The following AMZ1 variants were observed in gnomAD, a reference collection of about 807,000 sequenced individuals.
AMZ1 encodes archaemetzincin-1.
A neutral mutation model predicts 29.9 loss-of-function variants in AMZ1; 39 were observed. The observed-to-expected ratio is 1.30, with a 90% CI of 1.01 to 1.70. AMZ1 has a LOEUF of 1.70. Ranked by LOEUF, AMZ1 falls within the 40% of genes most tolerant of loss-of-function variation. The probability of loss-of-function intolerance (pLI) is 0.00; values close to 1 mark genes in which losing one functional copy is unlikely to be tolerated. For missense variants in AMZ1, 1,041 were observed against 680.6 expected (o/e 1.53, Z -5.89); for synonymous variants, 458 against 304.0 (o/e 1.51, Z -5.27).
At chr7:2,756,033 C>T (rs996993885) in intron 4 of AMZ1, among the ~76,000 whole-genome samples, 7 of 152,106 alleles carry the variant, frequency 4.6e-5, no homozygotes, top group African/African-American at 1.4e-4. Context: ...AGAAGAACAA[C>T]GTTTTCATAA....
intron 2 of AMZ1, among the ~76,000 whole-genome samples, chr7:2,701,676 A>T (rs994868895): frequency 2.0e-5 from 3 of 152,202 alleles, no homozygotes; most frequent in African/African-American, 7.2e-5. Flanking sequence ...GAGAGGAGGA[A>T]AGGGCTGGTG....
At chr7:2,689,970 G>T (rs931896226) in intron 1 of AMZ1, among the ~76,000 whole-genome samples, 2 of 152,172 alleles carry the variant, frequency 1.3e-5, no homozygotes, top group African/African-American at 2.4e-5. Flanking sequence ...AGGATGGAAG[G>T]ACTCAGCTGG....
At chr7:2,685,116 G>A (rs544637291), upstream of AMZ1, among the ~76,000 whole-genome samples, 172 of 151,744 alleles carry the variant, frequency 1.1e-3, 3 homozygotes, top group South Asian at 0.017. Context: ...TGATCCGCCC[G>A]CCTCGGCCTC....
chr7:2,764,034 G>C (rs561216338), upstream of AMZ1, among the ~76,000 whole-genome samples: 8 of 152,236 alleles, frequency 5.3e-5, no homozygotes, highest in Admixed American at 3.3e-4. Flanking sequence ...GTCTTCCTAA[G>C]GCTGCTGTGC....
upstream of AMZ1, among the ~76,000 whole-genome samples, chr7:2,683,503 T>C (rs1373345308): frequency 6.6e-6 from 1 of 152,178 alleles, no homozygotes; most frequent in Non-Finnish European, 1.5e-5. Flanking sequence ...AGTGGCACGA[T>C]CTCGGCTCAC....
chr7:2,744,660 C>T (rs1376116840), intron 4 of AMZ1, among the ~76,000 whole-genome samples: 1 of 152,172 alleles, frequency 6.6e-6, no homozygotes, highest in Non-Finnish European at 1.5e-5. Context: ...CGGAACAAAG[C>T]TGGATGGACA....
At chr7:2,736,483 C>T (rs1278406028) in intron 4 of AMZ1, among the ~76,000 whole-genome samples, 1 of 152,190 alleles carries the variant, frequency 6.6e-6, no homozygotes, top group Non-Finnish European at 1.5e-5. Context: ...TGTCCTCTCA[C>T]GAGCAACAGA....
chr7:2,711,105 C>T (rs1258793305), intron 6 of AMZ1, among the ~76,000 whole-genome samples: 1 of 152,220 alleles, frequency 6.6e-6, no homozygotes, highest in African/African-American at 2.4e-5. Flanking sequence ...GGGTGTAGCT[C>T]CTCCTCCTGC....
chr7:2,735,908 G>T (rs798526), intron 4 of AMZ1, among the ~76,000 whole-genome samples: 4 of 151,792 alleles, frequency 2.6e-5, no homozygotes, highest in African/African-American at 9.7e-5. Flanking sequence ...GGAAGAAGGG[G>T]ACACAGAGCA....
intron 1 of AMZ1, among the ~76,000 whole-genome samples, chr7:2,688,632 G>C (rs771789600): frequency 2.0e-5 from 3 of 152,204 alleles, no homozygotes; most frequent in African/African-American, 4.8e-5. Flanking sequence ...AACTGGGGAC[G>C]GGTCGGGAAT....
chr7:2,718,372 G>A lies in AMZ1; in HGVS notation c.*5494G>A, dbSNP rs1054839201. On this transcript the variant is annotated 3_prime_UTR_variant, in exon 7 of 7. Transcript: ENST00000683327. ...GCCCCTTCTCAGCAAAGGCCAACAC[G>A]TCTTTCTCGAGTCCAAGACCATCTC... Among the ~76,000 whole-genome samples, 1 of 152,140 alleles carries A rather than the reference G, an allele frequency of 6.6e-6. No individual in the cohort carries two copies. The highest frequency in any genetic ancestry group is 1.5e-5 in the Non-Finnish European group (1 of 68,010).
Position 2,700,611 on chromosome 7 carries a change from C to T in AMZ1, c.160C>T (p.Leu54Phe). ...CGAGGCCTACAACCCGCAGAGGACG[C>T]TCTTCTGCACCCTGCTCATCCGCAC... ...LAEAYNPQRT[L>F]FCTLLIRTGF... The change falls in exon 2 of 7, where the codon CTC becomes TTC. Residue 54 changes from leucine (L) to phenylalanine (F), a missense_variant. Physicochemically the swap from Leu to Phe is conservative, Grantham distance 22 (BLOSUM62 0). Transcript: ENST00000683327. 6.2e-7 allele frequency: 1 copy of T among 1,610,848 alleles called. No homozygotes were observed. The highest frequency in any genetic ancestry group is 8.5e-7 in the Non-Finnish European group (1 of 1,179,990).
Position 2,691,131 on chromosome 7 carries a change from CAAAAAAA to C in AMZ1, c.-219+2848_-219+2854del, listed in dbSNP as rs35603123. On this transcript the variant is annotated intron_variant, in intron 1 of 6. Transcript: ENST00000683327. ...TGCACTCCAGCCTGGGTGACAGAGG[CAAAAAAA>C]AAAAAAAAAAAAGCATTTCTCATTT... Among the ~76,000 whole-genome samples, 3 of 68,744 alleles carry C rather than the reference CAAAAAAA, an allele frequency of 4.4e-5. 1 individual carries two copies. Among genetic ancestry groups the C allele is most frequent in the African/African-American group, 1.5e-4 (2 of 13,432 alleles). The allele number at this position is 68,744 out of a possible 152,430, so 45.1% of individuals were successfully genotyped here.
intron 4 of AMZ1, among the ~76,000 whole-genome samples, chr7:2,736,741 C>T (rs1490154678): frequency 2.6e-5 from 4 of 152,240 alleles, no homozygotes; most frequent in Non-Finnish European, 5.9e-5. Flanking sequence ...GAAAGACACA[C>T]GCTCGGCTTG....
downstream of AMZ1, among the ~76,000 whole-genome samples, chr7:2,722,501 G>A (rs1272365059): frequency 6.6e-6 from 1 of 151,792 alleles, no homozygotes. Flanking sequence ...TCGATCTCCT[G>A]ACCTCGTGAT....
Position 2,716,760 on chromosome 7 carries a change from C to G in AMZ1, c.*3882C>G, listed in dbSNP as rs182338323. Among the ~76,000 whole-genome samples the G allele has an allele frequency of 2.0e-5, 3 of 152,328 alleles. No individual in the cohort carries two copies. In the East Asian group the frequency reaches 5.8e-4, roughly 29 times the overall value. On this transcript the variant is annotated 3_prime_UTR_variant, in exon 7 of 7. Transcript: ENST00000683327. ...TTCCCTAGTGGGTCAGTCAACTCCA[C>G]CGCTTAAGGGGTCCTTCCTATGTAA...
rs1349988049 is a variant in AMZ1, at chr7:2,709,646, T to C, written c.778T>C (p.Cys260Arg). The C allele has an allele frequency of 3.7e-6, 6 of 1,608,514 alleles. No homozygotes were observed. Among genetic ancestry groups the C allele is most frequent in the Non-Finnish European group, 5.1e-6 (6 of 1,178,250 alleles). Residue 260 changes from cysteine to arginine, a missense_variant, in exon 6 of 7, where the codon TGC becomes CGC. By Grantham distance (180) the Cys-to-Arg change is radical. Coordinates refer to ENST00000683327, the MANE Select transcript of AMZ1 (RefSeq NM_001384743.1). ...LGMVQCCKVT[C>R]HELCHLLGLG... ...TTGGTGGCCTTCCCCCCAGGTCACG[T>C]GCCACGAGCTCTGCCACCTTCTGGG...
intron 4 of AMZ1, chr7:2,730,915 G>A (rs1225841133): frequency 2.3e-6 from 1 of 443,656 alleles, no homozygotes; most frequent in Non-Finnish European, 4.1e-6. Context: ...CAAGCTGTGT[G>A]ATTAGGTGTT....
In AMZ1 at chr7:2,702,771, C is replaced by T. The variant is rs1022040397; in HGVS notation, c.354C>T (p.Ser118=). ...GCTCCCTGCTGCACCAGCTGTGCAGCTGCACAGAGGCCTTCTTCCTGGGCC... is the reference window on the plus strand; with the variant it reads ...GCTCCCTGCTGCACCAGCTGTGCAGTTGCACAGAGGCCTTCTTCCTGGGCC... ...VGSSLLHQLC[S]CTEAFFLGLR... is the part of the protein sequence containing the mutation. The change falls in exon 3 of 7, where the codon AGC becomes AGT. Residue 118 remains serine (S), a synonymous_variant. Coordinates refer to ENST00000683327, the MANE Select transcript of AMZ1 (RefSeq NM_001384743.1). 1.1e-5 allele frequency: 17 copies of T among 1,543,394 alleles called. No individual in the cohort carries two copies. In the African/African-American group the frequency reaches 2.2e-4, roughly 20 times the overall value.
Sources: gnomAD v4.1 joint callset for allele counts (sites outside exome capture counted in the v4.1 genomes callset) on GRCh38, gnomAD v4.1.1 for gene constraint, MANE v1.5 for transcripts, NCBI Gene and HGNC (gene_info 2026-07-23, HGNC 2026-07-21) for gene names.